CYTIP: variants seen among roughly 807,000 people sequenced by gnomAD.
CYTIP encodes cytohesin 1 interacting protein.
In CYTIP, 26 loss-of-function variants were observed where a neutral mutation model predicts 43.8. The ratio of observed to expected loss-of-function variants is 0.59; its 90% CI spans 0.44 to 0.82. The LOEUF (loss-of-function observed/expected upper bound fraction) is 0.82. Ranked by LOEUF, CYTIP falls within the 40% of genes least tolerant of loss-of-function variation. The probability of loss-of-function intolerance (pLI) is 0.00; values close to 1 mark genes in which losing one functional copy is unlikely to be tolerated. For synonymous variants in CYTIP, 162 were observed against 162.9 expected (o/e 0.99, Z 0.04); for missense variants, 426 against 443.1 (o/e 0.96, Z 0.35).
intron 1 of CYTIP, 22 bp downstream of exon 1, chr2:157,443,825 G>C (rs1685953502): frequency 6.2e-7 from 1 of 1,612,644 alleles, no homozygotes; most frequent in African/African-American, 1.3e-5. Context: ...ACACTCTAAA[G>C]GGTACAAAAT....
chr2:157,443,604 A>G (rs1475859914), intron 1 of CYTIP, among the ~76,000 whole-genome samples: 1 of 152,184 alleles, frequency 6.6e-6, no homozygotes, highest in African/African-American at 2.4e-5. Context: ...ATTTTACCTG[A>G]GCACTTCTTC....
At chr2:157,418,645 G>T in intron 6 of CYTIP, 56 bp from the exon 7 acceptor site, 1 of 1,457,492 alleles carries the variant, frequency 6.9e-7, no homozygotes, top group Non-Finnish European at 9.2e-7. Flanking sequence ...CCCCAGTGAA[G>T]CTAGCAATTT....
At chr2:157,418,112 A>T (rs899571181) in intron 7 of CYTIP, among the ~76,000 whole-genome samples, 2 of 152,234 alleles carry the variant, frequency 1.3e-5, no homozygotes, top group Non-Finnish European at 2.9e-5. Context: ...AACAAAAGAC[A>T]GGAGCTCTAC....
At chr2:157,426,697 A>G (rs1015770183) in intron 6 of CYTIP, among the ~76,000 whole-genome samples, 16 of 152,188 alleles carry the variant, frequency 1.1e-4, no homozygotes, top group African/African-American at 3.9e-4. Flanking sequence ...CTTTAGAACT[A>G]TGACTCAGAT....
At chr2:157,424,743 A>G (rs1436738082) in intron 6 of CYTIP, among the ~76,000 whole-genome samples, 1 of 152,196 alleles carries the variant, frequency 6.6e-6, no homozygotes, top group East Asian at 1.9e-4. Flanking sequence ...ATTTATTTAC[A>G]TATAATCTGC....
chr2:157,432,248 T>A (rs561714894), intron 3 of CYTIP, among the ~76,000 whole-genome samples: 17 of 152,238 alleles, frequency 1.1e-4, no homozygotes, highest in Non-Finnish European at 2.2e-4. Flanking sequence ...TGTTGATTTA[T>A]GTAGCTGGCA....
chr2:157,428,549 T>C (rs1685649455), intron 5 of CYTIP, among the ~76,000 whole-genome samples: 1 of 152,244 alleles, frequency 6.6e-6, no homozygotes, highest in East Asian at 1.9e-4. Context: ...ACCATTGATT[T>C]GGCCATTTTC....
At position 157,415,954 on chromosome 2, in the gene CYTIP, TC is replaced by T. The variant is rs1235504643; in HGVS notation, c.802del (p.Asp268ThrfsTer27). The T allele has an allele frequency of 6.2e-7, 1 of 1,614,050 alleles. No individual in the cohort carries two copies. The highest frequency in any genetic ancestry group is 8.5e-7 in the Non-Finnish European group (1 of 1,179,996). ...EDGYQTCVSE[D>X]SSRGAFSRQT... is the part of the protein sequence containing the mutation. ...CCGACTGAAGGCACCCCTGCTGGAG[TC>T]CTCAGACACACACGTCTGGTAGCCA... On this transcript the variant is annotated frameshift_variant, in exon 8 of 8. Transcript: ENST00000264192. LOFTEE classifies it high-confidence loss of function.
chr2:157,429,274 TCA>T (rs1332337236), intron 5 of CYTIP, among the ~76,000 whole-genome samples: 3 of 152,202 alleles, frequency 2.0e-5, no homozygotes, highest in African/African-American at 7.2e-5. Flanking sequence ...TTGTGAGCAC[TCA>T]GAGACCTCTC....
intron 1 of CYTIP, among the ~76,000 whole-genome samples, chr2:157,437,939 T>G (rs1685839379): frequency 6.6e-6 from 1 of 152,118 alleles, no homozygotes; most frequent in African/African-American, 2.4e-5. Context: ...TGTAAATTAG[T>G]ACAGCCACTA....
chr2:157,434,157 C>A (rs1173249457), intron 3 of CYTIP: 1 of 593,850 alleles, frequency 1.7e-6, no homozygotes, highest in South Asian at 2.0e-5. Flanking sequence ...AACTGCTGAG[C>A]ATATCGCAGA....
chr2:157,421,825 A>C (rs1685526988), intron 6 of CYTIP, among the ~76,000 whole-genome samples: 1 of 152,196 alleles, frequency 6.6e-6, no homozygotes, highest in Non-Finnish European at 1.5e-5. Context: ...TTTTTGGCTC[A>C]AGAGTTAAAC....
At chr2:157,438,967 G>A (rs191817292) in intron 1 of CYTIP, 5 of 410,614 alleles carry the variant, frequency 1.2e-5, no homozygotes, top group African/African-American at 1.0e-4. Flanking sequence ...AGTCATTCTG[G>A]ATAGATTCAA....
At chr2:157,440,044 T>C (rs1573863734) in intron 1 of CYTIP, among the ~76,000 whole-genome samples, 1 of 152,186 alleles carries the variant, frequency 6.6e-6, no homozygotes, top group African/African-American at 2.4e-5. Context: ...TACTTCCTCC[T>C]GGTCCCCACT....
rs1031297972 is a variant in CYTIP, at chr2:157,416,245, G to C, written c.614-102C>G. On this transcript the variant is annotated intron_variant, in intron 7 of 7. Coordinates refer to ENST00000264192, the MANE Select transcript of CYTIP (RefSeq NM_004288.5). Reference sequence around the variant, plus strand: ...TTTGAATGACACGAGAAAGAGTAAGGGTGAAAAATACTTTTCACTGAGCTT... The same window carrying C: ...TTTGAATGACACGAGAAAGAGTAAGCGTGAAAAATACTTTTCACTGAGCTT... 2.7e-5 allele frequency: 26 copies of C among 980,400 alleles called. No homozygotes were observed. The African/African-American group carries it at 3.1e-4, about 12-fold the overall frequency. The allele number at this position is 980,400 out of a possible 1,614,324, so 60.7% of individuals were successfully genotyped here.
chr2:157,432,789 G>A (rs62175247), intron 3 of CYTIP, among the ~76,000 whole-genome samples: 3,743 of 152,280 alleles, frequency 0.025, 61 homozygotes, highest in Non-Finnish European at 0.039. Flanking sequence ...AAAGTTCCCA[G>A]AAGCATGTCT....
chr2:157,440,885 G>C (rs1685897352), intron 1 of CYTIP, among the ~76,000 whole-genome samples: 2 of 152,008 alleles, frequency 1.3e-5, no homozygotes, highest in Admixed American at 6.6e-5. Context: ...CATTGATAGA[G>C]ACTGTCCTTA....
chr2:157,433,817 T>A (rs1685750759), intron 3 of CYTIP, among the ~76,000 whole-genome samples: 1 of 152,156 alleles, frequency 6.6e-6, no homozygotes, highest in East Asian at 1.9e-4. Flanking sequence ...GTGTTTCAAA[T>A]AACAATTATA....
At chr2:157,426,212 A>AT (rs1468019643) in intron 6 of CYTIP, among the ~76,000 whole-genome samples, 1 of 152,170 alleles carries the variant, frequency 6.6e-6, no homozygotes, top group Non-Finnish European at 1.5e-5. Flanking sequence ...ATTACAAAAT[A>AT]TTTTTTAAGT....
Sources: allele counts gnomAD v4.1 joint callset (sites outside exome capture counted in the v4.1 genomes callset), GRCh38; gene constraint gnomAD v4.1.1; transcripts MANE v1.5; gene names NCBI Gene and HGNC (gene_info 2026-07-23, HGNC 2026-07-21).